The following ADCY2 variants were observed in gnomAD, a reference collection of about 807,000 sequenced individuals.
The protein encoded by ADCY2 is adenylate cyclase 2.
ADCY2 carries 31 observed loss-of-function variants against 125.2 expected under a neutral mutation model. The observed-to-expected ratio is 0.25, with a 90% CI of 0.19 to 0.33. ADCY2 has a LOEUF of 0.33. Ranked by LOEUF, ADCY2 falls within the 10% of genes least tolerant of loss-of-function variation. ADCY2 has a pLI of 1.00. For missense variants in ADCY2, 904 were observed against 1,418.2 expected (o/e 0.64, Z 5.82); for synonymous variants, 512 against 548.4 (o/e 0.93, Z 0.93).
At chr5:7,411,028 G>C (rs2126320265) in intron 1 of ADCY2, among the ~76,000 whole-genome samples, 1 of 152,288 alleles carries the variant, frequency 6.6e-6, no homozygotes, top group South Asian at 2.1e-4. Flanking sequence ...GATGCAGGCA[G>C]CGAGGCCAGG....
Position 7,804,677 on chromosome 5 carries a change from C to T in ADCY2, c.2868C>T (p.Ser956=). 1 of 1,613,988 alleles carries T rather than the reference C, an allele frequency of 6.2e-7. No individual in the cohort carries two copies. The highest frequency in any genetic ancestry group is 1.1e-5 in the South Asian group (1 of 91,078). Residue 956 remains serine, a synonymous_variant, in exon 22 of 25, where the codon AGC becomes AGT. Transcript: ENST00000338316. ...CAACAGGTCTGAGCGCTGTGCCCAG[C>T]CAGGAGCACTCCCAGGTAAGACGCG... ...MAATGLSAVP[S]QEHSQEPERQ... is the part of the protein sequence containing the mutation.
At chr5:7,642,474 G>T (rs932599881) in intron 4 of ADCY2, among the ~76,000 whole-genome samples, 5 of 152,058 alleles carry the variant, frequency 3.3e-5, no homozygotes, top group Non-Finnish European at 7.4e-5. Context: ...TCTGTAGGCT[G>T]TGTGTTTACA....
At chr5:7,543,938 C>T (rs1039658421) in intron 3 of ADCY2, among the ~76,000 whole-genome samples, 5 of 145,790 alleles carry the variant, frequency 3.4e-5, no homozygotes, top group Non-Finnish European at 3.0e-5. Context: ...GGCATGAACC[C>T]GGGAGTCGGA....
chr5:7,535,976 A>G (rs964038504), intron 3 of ADCY2, among the ~76,000 whole-genome samples: 1 of 152,224 alleles, frequency 6.6e-6, no homozygotes, highest in Non-Finnish European at 1.5e-5. Context: ...ATATGGAATA[A>G]AAGGCATTTT....
At chr5:7,636,862 G>A (rs952777482) in intron 4 of ADCY2, among the ~76,000 whole-genome samples, 4 of 152,150 alleles carry the variant, frequency 2.6e-5, no homozygotes, top group South Asian at 2.1e-4. Context: ...ATGCTAAAGT[G>A]ACTGAGGTTA....
In ADCY2 at chr5:7,758,611, C is replaced by G. The variant is rs545506954; in HGVS notation, c.2094+1025C>G. 1.7e-3 allele frequency among the ~76,000 whole-genome samples: 259 copies of G among 152,312 alleles called. 1 individual carries two copies. Among genetic ancestry groups the G allele is most frequent in the Non-Finnish European group, 3.4e-3 (229 of 68,036 alleles). ...TGGTATGTGCTGCATGCTCAGACCC[C>G]AAAGACAGTTCTCTGCCTTCCAGGA... is the stretch of plus-strand genomic sequence containing the variant. On this transcript the variant is annotated intron_variant, in intron 16 of 24. Coordinates refer to ENST00000338316, the MANE Select transcript of ADCY2 (RefSeq NM_020546.3).
intron 2 of ADCY2, among the ~76,000 whole-genome samples, chr5:7,432,403 A>C (rs1259208656): frequency 6.6e-6 from 1 of 151,960 alleles, no homozygotes; most frequent in Admixed American, 6.6e-5. Flanking sequence ...TGGATGTAAC[A>C]CTCCTTCTGG....
chr5:7,418,769 C>T (rs906952011), intron 2 of ADCY2, among the ~76,000 whole-genome samples: 8 of 149,354 alleles, frequency 5.4e-5, no homozygotes, highest in Non-Finnish European at 1.0e-4. Context: ...AGTTCTCCTG[C>T]CTCAGCCTCC....
intron 3 of ADCY2, among the ~76,000 whole-genome samples, chr5:7,526,785 G>T (rs190112866): frequency 6.6e-6 from 1 of 151,968 alleles, no homozygotes; most frequent in Non-Finnish European, 1.5e-5. Context: ...ACTGAATTTC[G>T]AAGAAACATT....
intron 2 of ADCY2, among the ~76,000 whole-genome samples, chr5:7,418,219 A>G (rs1740031961): frequency 6.6e-6 from 1 of 152,072 alleles, no homozygotes; most frequent in African/African-American, 2.4e-5. Flanking sequence ...TCTGCCCCTA[A>G]TATAACCCCA....
At chr5:7,761,869 G>A (rs959497427) in intron 16 of ADCY2, among the ~76,000 whole-genome samples, 9 of 152,200 alleles carry the variant, frequency 5.9e-5, no homozygotes, top group African/African-American at 2.2e-4. Flanking sequence ...ATCCTTTAGA[G>A]AGAGAACACC....
chr5:7,664,175 C>A (rs1013736738), intron 4 of ADCY2, among the ~76,000 whole-genome samples: 1 of 152,078 alleles, frequency 6.6e-6, no homozygotes, highest in Non-Finnish European at 1.5e-5. Context: ...GTTTGTAAAG[C>A]CTTCTAATAA....
intron 1 of ADCY2, among the ~76,000 whole-genome samples, chr5:7,400,425 G>A (rs1343933360): frequency 2.6e-5 from 4 of 152,128 alleles, no homozygotes; most frequent in Admixed American, 6.5e-5. Context: ...ATATTTTTTC[G>A]AAGGGCAGAT....
intron 2 of ADCY2, among the ~76,000 whole-genome samples, chr5:7,501,693 G>C (rs906974166): frequency 1.9e-5 from 2 of 104,824 alleles, no homozygotes; most frequent in Non-Finnish European, 3.5e-5. Context: ...AAAGGAAAAA[G>C]AATGTTGCAG....
intron 18 of ADCY2, 72 bp downstream of exon 18, chr5:7,773,173 G>A (rs1743608786): frequency 2.1e-6 from 3 of 1,437,380 alleles, no homozygotes; most frequent in Non-Finnish European, 9.5e-7. Context: ...TGTGTGTTGA[G>A]TAAATGCAAG....
chr5:7,684,061 CT>C lies in ADCY2; in HGVS notation c.721-6629del, dbSNP rs199951676. On this transcript the variant is annotated intron_variant, in intron 4 of 24. Coordinates refer to ENST00000338316, the MANE Select transcript of ADCY2 (RefSeq NM_020546.3). The stretch of plus-strand genomic sequence containing the variant: ...CAGCGTGCCTCTACTGGCATTGCCC[CT>C]GTCAGACTGGATGGCATTGCTTACC... 9.7e-3 allele frequency among the ~76,000 whole-genome samples: 1,480 copies of C among 152,352 alleles called. 18 individuals are homozygous for C. Among genetic ancestry groups the C allele is most frequent in the Non-Finnish European group, 0.016 (1,063 of 68,038 alleles).
chr5:7,547,524 C>G (rs1353230164), intron 3 of ADCY2, among the ~76,000 whole-genome samples: 1 of 152,148 alleles, frequency 6.6e-6, no homozygotes, highest in African/African-American at 2.4e-5. Context: ...CTGCCAGGTG[C>G]CCCTGGTTCA....
intron 2 of ADCY2, among the ~76,000 whole-genome samples, chr5:7,457,429 C>T (rs1278706280): frequency 6.6e-6 from 1 of 152,138 alleles, no homozygotes; most frequent in Non-Finnish European, 1.5e-5. Context: ...GGCCTTTCTT[C>T]CTGCAGCAGG....
intron 2 of ADCY2, among the ~76,000 whole-genome samples, chr5:7,466,520 G>A (rs1354678647): frequency 6.6e-6 from 1 of 152,194 alleles, no homozygotes; most frequent in Non-Finnish European, 1.5e-5. Context: ...GGCAGAGCCT[G>A]CTTTTAAGCC....
Sources: allele counts gnomAD v4.1 joint callset (sites outside exome capture counted in the v4.1 genomes callset), GRCh38; gene constraint gnomAD v4.1.1; transcripts MANE v1.5; gene names NCBI Gene and HGNC (gene_info 2026-07-23, HGNC 2026-07-21).